KIF11: variants seen among roughly 807,000 people sequenced by gnomAD.
KIF11 encodes the protein kinesin family member 11, also known as kinesin-like protein KIF11.
In KIF11, 9 loss-of-function variants were observed where a neutral mutation model predicts 121.0. The ratio of observed to expected loss-of-function variants is 0.07; its 90% confidence interval spans 0.04 to 0.13. The LOEUF is 0.13. Among genes scored for constraint, KIF11 ranks in the 10% least tolerant of loss-of-function variants. The pLI is 1.00. For synonymous variants in KIF11, 408 were observed against 421.0 expected, an observed-to-expected ratio of 0.97 and a Z score of 0.38; for missense variants, 846 against 1,217.5, an observed-to-expected ratio of 0.69 and a Z score of 4.54.
At chr10:92,619,084 T>A (rs961667582) in intron 9 of KIF11, among the ~76,000 whole-genome samples, 2 of 152,156 alleles carry the variant, frequency 1.3e-5, no homozygotes, top group Non-Finnish European at 2.9e-5. Context: ...TGGTGCGATC[T>A]CAGCTCACAG....
At chr10:92,602,835 T>TACAC (rs1387853440) in intron 1 of KIF11, among the ~76,000 whole-genome samples, 4 of 143,754 alleles carry the variant, frequency 2.8e-5, no homozygotes, top group African/African-American at 7.5e-5. Context: ...CGTGTGTGTG[T>TACAC]GTGTGTGTGT....
In KIF11 at chr10:92,653,886, A is replaced by T; in HGVS notation, c.*90A>T. The stretch of plus-strand genomic sequence containing the variant: ...ACTTGAGCCTTGTGTATAGATTTTA[A>T]AAGAATATATATATCAGCCGGGCGC... On this transcript the variant is annotated 3_prime_UTR_variant, in exon 22 of 22. Coordinates refer to ENST00000260731, the MANE Select transcript of KIF11 (RefSeq NM_004523.4). 2 of 1,210,686 alleles carry T rather than the reference A, an allele frequency of 1.7e-6. No homozygotes were observed. The highest frequency in any genetic ancestry group is 2.3e-6 in the Non-Finnish European group (2 of 861,012). 75.0% of individuals were successfully genotyped at this position (1,210,686 alleles called of 1,614,324 possible).
Position 92,602,829 on chromosome 10 carries a change from T to TACAC in KIF11, c.78-3436_78-3435insACAC, listed in dbSNP as rs758185962. ...TTAAACACACACACACACACACGTG[T>TACAC]GTGTGTGTGTGTGTGTGTGTGTGTG... is the stretch of plus-strand genomic sequence containing the variant. On this transcript the variant is annotated intron_variant, in intron 1 of 21. Coordinates refer to ENST00000260731, the MANE Select transcript of KIF11 (RefSeq NM_004523.4). Among the ~76,000 whole-genome samples the TACAC allele has an allele frequency of 5.7e-3, 494 of 86,284 alleles. 1 individual carries two copies. The highest frequency in any genetic ancestry group is 0.013 in the African/African-American group (124 of 9,794). 56.6% of individuals were successfully genotyped at this position (86,284 alleles called of 152,430 possible).
At position 92,622,043 on chromosome 10, in the gene KIF11, A is replaced by G. The variant is rs562655878; in HGVS notation, c.1217+570A>G. Among the ~76,000 whole-genome samples, 18 of 152,174 alleles carry G rather than the reference A, an allele frequency of 1.2e-4. 1 individual carries two copies. The highest frequency in any genetic ancestry group is 2.9e-4 in the African/African-American group (12 of 41,448). ...TGAATCCCAGCACTTTGGGAGGCCAAGGCAGGCAGATCACGTGAGGTTGGG... is the reference window on the plus strand; with the variant it reads ...TGAATCCCAGCACTTTGGGAGGCCAGGGCAGGCAGATCACGTGAGGTTGGG... On this transcript the variant is annotated intron_variant, in intron 10 of 21. Coordinates refer to ENST00000260731, the MANE Select transcript of KIF11 (RefSeq NM_004523.4).
intron 12 of KIF11, among the ~76,000 whole-genome samples, chr10:92,631,447 C>T (rs376392216): frequency 0.021 from 3,094 of 150,018 alleles, 45 homozygotes; most frequent in Admixed American, 0.05. Flanking sequence ...CTGCAAGCTC[C>T]GCTTCCCGGG....
At position 92,633,694 on chromosome 10, in the gene KIF11, A is replaced by G. The variant is rs1249211050; in HGVS notation, c.1774A>G (p.Ile592Val). ...TTVALGSLTS[I>V]PENVSTHVSQ... ...AGTAGCACTTGGATCTCTCACATCT[A>G]TTCCAGAAAATGTGTCTACTCATGT... is the stretch of plus-strand genomic sequence containing the variant. The change falls in exon 14 of 22, where the codon ATT becomes GTT. Residue 592 changes from isoleucine to valine, a missense_variant. This residue lies in a region of KIF11 where 492 missense variants were observed against 603.4 expected (regional missense o/e 0.82). Transcript: ENST00000260731. The G allele has an allele frequency of 6.9e-6, 11 of 1,598,884 alleles. No homozygotes were observed. The African/African-American group carries it at 1.3e-4, about 19-fold the overall frequency.
chr10:92,613,364 T>G lies in KIF11; in HGVS notation c.790-13T>G. On this transcript the variant is annotated splice_polypyrimidine_tract_variant and intron_variant, in intron 7 of 21. Transcript: ENST00000260731. The surrounding 1 kb of genome is among the most constrained non-coding windows in gnomAD (Gnocchi z 4.2). ...AATAGACTCACTTTTTATTTTTATT[T>G]TTAAAATTAAAGGTTGATCTTGCAG... 6.5e-7 allele frequency: 1 copy of G among 1,548,884 alleles called. No individual in the cohort carries two copies. The highest frequency in any genetic ancestry group is 8.7e-7 in the Non-Finnish European group (1 of 1,143,786).
chr10:92,621,335 C>T (rs768042700), intron 9 of KIF11, 50 bp from the exon 10 acceptor site: 18 of 1,111,458 alleles, frequency 1.6e-5, no homozygotes, highest in Non-Finnish European at 2.3e-5. Context: ...CCTTCCCAAA[C>T]TGAATGAAAA....
At chr10:92,641,641 C>G (rs2135921554) in intron 17 of KIF11, among the ~76,000 whole-genome samples, 1 of 152,234 alleles carries the variant, frequency 6.6e-6, no homozygotes, top group East Asian at 1.9e-4. Context: ...TGAGTTTATT[C>G]TATTTGGGTT....
intron 8 of KIF11, among the ~76,000 whole-genome samples, chr10:92,615,700 G>A (rs1274219235): frequency 6.6e-6 from 1 of 151,990 alleles, no homozygotes; most frequent in African/African-American, 2.4e-5. Context: ...CATATAAATG[G>A]AATTACGTAA....
Position 92,593,310 on chromosome 10 carries a change from A to C in KIF11, c.-66A>C. 1 of 1,521,426 alleles carries C rather than the reference A, an allele frequency of 6.6e-7. No homozygotes were observed. The allele number at this position is 1,521,426 out of a possible 1,614,324, so 94.2% of individuals were successfully genotyped here. A position where few individuals can be genotyped will look rare whatever the true frequency, so the allele number is the denominator to read the frequency against. On this transcript the variant is annotated 5_prime_UTR_variant, in exon 1 of 22. Transcript: ENST00000260731. ...GAGACTCCGGCCCCTGTCGGCCGCC[A>C]AGCCCCTCCGCCCCTCACAGCGCCC...
intron 4 of KIF11, among the ~76,000 whole-genome samples, chr10:92,608,084 CAAAA>C (rs1362323530): frequency 7.6e-6 from 1 of 131,200 alleles, no homozygotes; most frequent in Non-Finnish European, 1.7e-5. Context: ...AACAAAAAAA[CAAAA>C]AACCAAAAAA....
intron 1 of KIF11, among the ~76,000 whole-genome samples, chr10:92,599,336 C>T (rs1046413652): frequency 6.6e-6 from 1 of 151,468 alleles, no homozygotes; most frequent in African/African-American, 2.4e-5. Context: ...GCCAGCCTGG[C>T]CAACATAGTG....
At chr10:92,609,894 G>A (rs1169437223) in intron 6 of KIF11, among the ~76,000 whole-genome samples, 2 of 151,956 alleles carry the variant, frequency 1.3e-5, no homozygotes, top group Non-Finnish European at 1.5e-5. Flanking sequence ...CTGCCACTAC[G>A]CCCAGCTAAT....
intron 1 of KIF11, among the ~76,000 whole-genome samples, chr10:92,595,652 A>G (rs1844285910): frequency 6.6e-6 from 1 of 152,190 alleles, no homozygotes. Context: ...AATATTCTGC[A>G]ACAATTACTA....
chr10:92,597,710 G>C (rs1247945968), intron 1 of KIF11, among the ~76,000 whole-genome samples: 1 of 152,086 alleles, frequency 6.6e-6, no homozygotes, highest in Admixed American at 6.5e-5. Context: ...GGAGTGCATT[G>C]GTACGATCTT....
chr10:92,612,520 T>G (rs1844508733), intron 6 of KIF11, among the ~76,000 whole-genome samples: 1 of 152,230 alleles, frequency 6.6e-6, no homozygotes, highest in African/African-American at 2.4e-5. Context: ...TTAGTAATCA[T>G]GCTGTTTACT....
intron 17 of KIF11, among the ~76,000 whole-genome samples, chr10:92,644,949 T>C (rs75232657): frequency 0.034 from 5,190 of 152,308 alleles, 138 homozygotes; most frequent in Admixed American, 0.061. Context: ...ATTTGTAATG[T>C]TCATGATTTG....
chr10:92,651,328 C>G (rs1209579560), intron 21 of KIF11, among the ~76,000 whole-genome samples: 1 of 151,198 alleles, frequency 6.6e-6, no homozygotes, highest in Non-Finnish European at 1.5e-5. Flanking sequence ...GTGCCCAGCC[C>G]TCTACCCACT....
Sources: gnomAD v4.1 joint callset for allele counts (sites outside exome capture counted in the v4.1 genomes callset) on GRCh38, gnomAD v4.1.1 for gene constraint, gnomAD v4.1.1 regional missense constraint, Gnocchi (gnomAD v3.1) non-coding constraint, MANE v1.5 for transcripts, NCBI Gene and HGNC (gene_info 2026-07-23, HGNC 2026-07-21) for gene names.